NPLOC4: variants seen among roughly 807,000 people sequenced by gnomAD.
NPLOC4 encodes nuclear protein localization protein 4 homolog.
A neutral mutation model predicts 80.6 loss-of-function variants in NPLOC4; 18 were observed. The ratio of observed to expected loss-of-function variants is 0.22; its 90% CI spans 0.15 to 0.33. The LOEUF (loss-of-function observed/expected upper bound fraction) is 0.33. Among genes scored for constraint, NPLOC4 ranks in the 10% least tolerant of loss-of-function variants. The pLI, the probability that NPLOC4 is intolerant of heterozygous loss-of-function variation, is 1.00. For synonymous variants in NPLOC4, 313 were observed against 301.5 expected (o/e 1.04, Z -0.39); for missense variants, 540 against 786.1 (o/e 0.69, Z 3.74).
chr17:81,607,016 C>T (rs547284139), intron 6 of NPLOC4, among the ~76,000 whole-genome samples: 1 of 152,292 alleles, frequency 6.6e-6, no homozygotes, highest in South Asian at 2.1e-4. Context: ...CAGCTTCTGT[C>T]CCACATACTT....
At chr17:81,609,633 T>G (rs1242054148) in intron 5 of NPLOC4, among the ~76,000 whole-genome samples, 1 of 152,236 alleles carries the variant, frequency 6.6e-6, no homozygotes, top group Non-Finnish European at 1.5e-5. Flanking sequence ...TGTGTGCCAG[T>G]TATCTTTTCA....
Position 81,604,623 on chromosome 17 carries a change from G to A in NPLOC4, c.759C>T (p.Tyr253=), listed in dbSNP as rs543142757. 18 of 1,613,842 alleles carry A rather than the reference G, an allele frequency of 1.1e-5. 1 individual carries two copies. The highest frequency in any genetic ancestry group is 3.3e-4 in the Middle Eastern group (2 of 6,062). Residue 253 remains tyrosine (Y), a synonymous_variant, in exon 8 of 17, where the codon TAC becomes TAT. Transcript: ENST00000331134. ...TGTCTTTGTGCTCCGTGTACCGTCC[G>A]TATAAGTACCCAAAATGCTGGTTCC... is the stretch of plus-strand genomic sequence containing the variant. ...KTGNQHFGYL[Y]GRYTEHKDIP... is the part of the protein sequence containing the mutation.
intron 1 of NPLOC4, among the ~76,000 whole-genome samples, chr17:81,633,006 T>C (rs1256152989): frequency 6.6e-6 from 1 of 151,616 alleles, no homozygotes; most frequent in African/African-American, 2.4e-5. Context: ...GGAGGGCGCC[T>C]GTAGTCCCAG....
At chr17:81,624,471 C>T (rs901988149) in intron 2 of NPLOC4, among the ~76,000 whole-genome samples, 4 of 152,016 alleles carry the variant, frequency 2.6e-5, no homozygotes, top group Non-Finnish European at 4.4e-5. Flanking sequence ...TGGTGGTGCA[C>T]GCCTACAGTC....
chr17:81,620,193 A>G (rs1163962173), intron 3 of NPLOC4, among the ~76,000 whole-genome samples: 1 of 152,182 alleles, frequency 6.6e-6, no homozygotes, highest in Non-Finnish European at 1.5e-5. Context: ...AGGGATAGAC[A>G]CTCAAGTAAC....
chr17:81,627,669 G>C (rs1255612000), intron 2 of NPLOC4, among the ~76,000 whole-genome samples: 3 of 152,190 alleles, frequency 2.0e-5, no homozygotes, highest in Non-Finnish European at 4.4e-5. Flanking sequence ...CCGGGAGGCT[G>C]AGGCAGGAGA....
At chr17:81,583,642 C>T (rs1476284895) in intron 12 of NPLOC4, among the ~76,000 whole-genome samples, 5 of 152,168 alleles carry the variant, frequency 3.3e-5, no homozygotes, top group African/African-American at 4.8e-5. Flanking sequence ...TACACGTGAA[C>T]GATGACACAA....
At chr17:81,633,038 G>C (rs1267290421) in intron 1 of NPLOC4, among the ~76,000 whole-genome samples, 1 of 150,538 alleles carries the variant, frequency 6.6e-6, no homozygotes, top group Non-Finnish European at 1.5e-5. Flanking sequence ...GCTGAGGTAG[G>C]AGAATGGCGT....
intron 3 of NPLOC4, among the ~76,000 whole-genome samples, chr17:81,617,122 A>G (rs927214234): frequency 5.9e-5 from 9 of 152,178 alleles, no homozygotes; most frequent in Non-Finnish European, 1.0e-4. Context: ...CAGCCCGGAT[A>G]GGGAGTCCTC....
At chr17:81,564,460 T>C (rs1302470519) in intron 16 of NPLOC4, 2 of 151,998 alleles carry the variant, frequency 1.3e-5, no homozygotes, top group Non-Finnish European at 2.9e-5. Flanking sequence ...ACCCTGTCTC[T>C]ACAAAAATAA....
chr17:81,595,378 G>T (rs918635037), intron 11 of NPLOC4, among the ~76,000 whole-genome samples: 1 of 146,842 alleles, frequency 6.8e-6, no homozygotes, highest in Admixed American at 6.8e-5. Context: ...ACGTTGCAGT[G>T]AGCCGAGATT....
intron 3 of NPLOC4, among the ~76,000 whole-genome samples, chr17:81,620,269 G>A (rs1007810646): frequency 9.9e-5 from 15 of 152,140 alleles, no homozygotes; most frequent in Non-Finnish European, 1.6e-4. Flanking sequence ...AGGCCAAGGC[G>A]GGTGGATCAC....
chr17:81,619,997 AT>A (rs1335795212), intron 3 of NPLOC4, among the ~76,000 whole-genome samples: 2 of 152,210 alleles, frequency 1.3e-5, no homozygotes, highest in Non-Finnish European at 2.9e-5. Flanking sequence ...ACAGAGGGTC[AT>A]GCTGGAGGGT....
At chr17:81,601,404 A>G (rs1456623412) in intron 8 of NPLOC4, among the ~76,000 whole-genome samples, 1 of 152,238 alleles carries the variant, frequency 6.6e-6, no homozygotes, top group African/African-American at 2.4e-5. Flanking sequence ...ATGTGGCAGC[A>G]TAAGCTGCAT....
At chr17:81,602,381 T>C (rs2035079730) in intron 8 of NPLOC4, among the ~76,000 whole-genome samples, 3 of 143,816 alleles carry the variant, frequency 2.1e-5, no homozygotes, top group African/African-American at 7.7e-5. Context: ...CCTCCCTGTA[T>C]AAAAAAAAAA....
intron 11 of NPLOC4, among the ~76,000 whole-genome samples, chr17:81,590,357 G>A (rs1443485878): frequency 1.3e-5 from 2 of 152,216 alleles, no homozygotes; most frequent in East Asian, 1.9e-4. Flanking sequence ...GTGTGGTCCA[G>A]TTAGACCAGA....
At chr17:81,635,218 C>T (rs114945751) in intron 1 of NPLOC4, among the ~76,000 whole-genome samples, 3,983 of 151,852 alleles carry the variant, frequency 0.026, 169 homozygotes, top group African/African-American at 0.091. Context: ...TGGCGAGCAC[C>T]TGCAACCCCA....
intron 3 of NPLOC4, among the ~76,000 whole-genome samples, chr17:81,615,581 C>A (rs1314256108): frequency 6.6e-6 from 1 of 152,190 alleles, no homozygotes; most frequent in Non-Finnish European, 1.5e-5. Context: ...CAGACAGCAG[C>A]CAGCAACACA....
intron 12 of NPLOC4, among the ~76,000 whole-genome samples, chr17:81,573,799 C>T (rs2034221067): frequency 6.6e-6 from 1 of 152,140 alleles, no homozygotes; most frequent in African/African-American, 2.4e-5. Context: ...ACTCTATTTC[C>T]ATTTCACGTA....
Sources: gnomAD v4.1 joint callset for allele counts (sites outside exome capture counted in the v4.1 genomes callset) on GRCh38, gnomAD v4.1.1 for gene constraint, MANE v1.5 for transcripts, NCBI Gene and HGNC (gene_info 2026-07-23, HGNC 2026-07-21) for gene names.